The following GALNT17 variants were observed in gnomAD, a reference collection of about 807,000 sequenced individuals.
GALNT17 encodes the protein polypeptide N-acetylgalactosaminyltransferase 17.
In GALNT17, 29 loss-of-function variants were observed where a neutral mutation model predicts 63.7. The ratio of observed to expected loss-of-function variants is 0.46; its 90% CI spans 0.34 to 0.62. The LOEUF (loss-of-function observed/expected upper bound fraction) is 0.62. Among genes scored for constraint, GALNT17 ranks in the 20% least tolerant of loss-of-function variants. GALNT17 has a pLI of 0.01. For synonymous variants in GALNT17, 305 were observed against 318.3 expected (o/e 0.96, Z 0.45); for missense variants, 603 against 799.6 (o/e 0.75, Z 2.97).
At chr7:71,657,950 G>A (rs1387046720) in intron 6 of GALNT17, among the ~76,000 whole-genome samples, 1 of 152,072 alleles carries the variant, frequency 6.6e-6, no homozygotes, top group Non-Finnish European at 1.5e-5. Flanking sequence ...TGTCATCCAG[G>A]CTGGAGTGCG....
intron 5 of GALNT17, among the ~76,000 whole-genome samples, chr7:71,506,171 G>A (rs568408288): frequency 6.6e-6 from 1 of 152,172 alleles, no homozygotes; most frequent in Admixed American, 6.5e-5. Flanking sequence ...CAAATATTAT[G>A]TATCCATAAA....
intron 1 of GALNT17, among the ~76,000 whole-genome samples, chr7:71,200,376 C>A (rs765801450): frequency 1.3e-5 from 2 of 152,112 alleles, no homozygotes; most frequent in Admixed American, 6.6e-5. Context: ...TTCTAGACCA[C>A]CTTCCTTGGG....
chr7:71,368,316 C>T (rs1371454301), intron 2 of GALNT17, among the ~76,000 whole-genome samples: 1 of 152,198 alleles, frequency 6.6e-6, no homozygotes, highest in East Asian at 1.9e-4. Context: ...TTCTTTTCCT[C>T]GCCTCAGTCC....
intron 2 of GALNT17, among the ~76,000 whole-genome samples, chr7:71,385,487 A>G (rs1792925630): frequency 6.6e-6 from 1 of 152,188 alleles, no homozygotes; most frequent in Non-Finnish European, 1.5e-5. Context: ...GCCTAGAGTG[A>G]CTGAGGGCAA....
At chr7:71,478,220 T>G (rs183414324) in intron 5 of GALNT17, among the ~76,000 whole-genome samples, 7 of 152,296 alleles carry the variant, frequency 4.6e-5, no homozygotes, top group African/African-American at 1.7e-4. Flanking sequence ...GGAACATTTA[T>G]CCTTCCTGGT....
chr7:71,555,303 T>G (rs1180754816), intron 5 of GALNT17, among the ~76,000 whole-genome samples: 1 of 151,980 alleles, frequency 6.6e-6, no homozygotes, highest in Admixed American at 6.6e-5. Flanking sequence ...ATGTCAGTAC[T>G]TCTCAACCCT....
At chr7:71,669,044 G>A (rs543655551) in intron 7 of GALNT17, among the ~76,000 whole-genome samples, 125 of 152,296 alleles carry the variant, frequency 8.2e-4, no homozygotes, top group African/African-American at 2.6e-3. Context: ...AAGGAAATGC[G>A]TAAGAGCAGA....
chr7:71,710,569 C>A (rs1339146705), intron 9 of GALNT17, among the ~76,000 whole-genome samples, 192 bp from the exon 10 acceptor site: 1 of 152,028 alleles, frequency 6.6e-6, no homozygotes, highest in African/African-American at 2.4e-5. Context: ...GGCTCAGAAG[C>A]CTGGGTGGCT....
chr7:71,702,298 C>A (rs496833), intron 9 of GALNT17, among the ~76,000 whole-genome samples: 24,463 of 151,902 alleles, frequency 0.16, 2,374 homozygotes, highest in Non-Finnish European at 0.22. Context: ...AATAGAAAAA[C>A]AGAAAGATAC....
chr7:71,177,011 A>T (rs1788651144), intron 1 of GALNT17, among the ~76,000 whole-genome samples: 1 of 152,120 alleles, frequency 6.6e-6, no homozygotes, highest in South Asian at 2.1e-4. Flanking sequence ...TACTAAAAGG[A>T]CAGAGCTTCG....
chr7:71,305,492 A>G (rs1791273384), intron 1 of GALNT17, among the ~76,000 whole-genome samples: 1 of 152,290 alleles, frequency 6.6e-6, no homozygotes, highest in East Asian at 1.9e-4. Flanking sequence ...GAGTAGTGAA[A>G]TTGTTAGCAG....
chr7:71,303,355 A>G (rs751863662), intron 1 of GALNT17, among the ~76,000 whole-genome samples: 1 of 152,034 alleles, frequency 6.6e-6, no homozygotes, highest in Non-Finnish European at 1.5e-5. Flanking sequence ...GGATCTCGCC[A>G]TGTTGTCCAG....
At chr7:71,574,123 G>T (rs906854950) in intron 6 of GALNT17, among the ~76,000 whole-genome samples, 1 of 152,176 alleles carries the variant, frequency 6.6e-6, no homozygotes, top group Non-Finnish European at 1.5e-5. Flanking sequence ...ATGAACATAC[G>T]TGTGCATGTG....
chr7:71,654,227 G>A (rs1359650478), intron 6 of GALNT17, among the ~76,000 whole-genome samples: 2 of 152,102 alleles, frequency 1.3e-5, no homozygotes, highest in Non-Finnish European at 2.9e-5. Flanking sequence ...GTGTTAGCCA[G>A]GATGGTCTCC....
At chr7:71,410,256 T>C (rs2116416957) in intron 3 of GALNT17, among the ~76,000 whole-genome samples, 1 of 152,008 alleles carries the variant, frequency 6.6e-6, no homozygotes, top group Middle Eastern at 3.4e-3. Context: ...TGATTTTTTT[T>C]TTTTTTTGAG....
chr7:71,618,952 T>G (rs1467175654), intron 6 of GALNT17, among the ~76,000 whole-genome samples: 1 of 152,198 alleles, frequency 6.6e-6, no homozygotes, highest in Non-Finnish European at 1.5e-5. Context: ...AGGTCTTATA[T>G]TTAAATCTTT....
intron 5 of GALNT17, among the ~76,000 whole-genome samples, chr7:71,569,266 G>T (rs556066699): frequency 6.6e-6 from 1 of 152,032 alleles, no homozygotes; most frequent in Non-Finnish European, 1.5e-5. Context: ...CATCGTGCCC[G>T]GCTCTAACAT....
intron 6 of GALNT17, among the ~76,000 whole-genome samples, chr7:71,656,521 A>G (rs1239978522): frequency 6.6e-6 from 1 of 151,916 alleles, no homozygotes; most frequent in Non-Finnish European, 1.5e-5. Flanking sequence ...GGTGGGAGCC[A>G]TCGAAGTTTG....
chr7:71,469,626 A>G (rs1787595156), intron 5 of GALNT17, among the ~76,000 whole-genome samples: 1 of 152,192 alleles, frequency 6.6e-6, no homozygotes, highest in South Asian at 2.1e-4. Flanking sequence ...ACACTTGACC[A>G]CTGTTGATTG....
Sources: gnomAD v4.1 joint callset for allele counts (sites outside exome capture counted in the v4.1 genomes callset) on GRCh38, gnomAD v4.1.1 for gene constraint, MANE v1.5 for transcripts, NCBI Gene and HGNC (gene_info 2026-07-23, HGNC 2026-07-21) for gene names.